CLINT1: variants seen among roughly 807,000 people sequenced by gnomAD.
CLINT1 encodes the protein clathrin interactor 1.
CLINT1 carries 15 observed loss-of-function variants against 70.4 expected under a neutral mutation model. The ratio of observed to expected loss-of-function variants is 0.21; its 90% CI spans 0.14 to 0.33. The LOEUF is 0.33. CLINT1 is among the 10% of genes least tolerant of loss of function. The pLI, the probability that CLINT1 is intolerant of heterozygous loss-of-function variation, is 1.00. For missense variants in CLINT1, 615 were observed against 778.1 expected, an observed-to-expected ratio of 0.79 and a Z score of 2.49; for synonymous variants, 227 against 254.7, an observed-to-expected ratio of 0.89 and a Z score of 1.04.
chr5:157,802,358 C>T (rs865850954), intron 8 of CLINT1, among the ~76,000 whole-genome samples: 39 of 152,128 alleles, frequency 2.6e-4, no homozygotes, highest in African/African-American at 8.7e-4. Context: ...TATTTTGACA[C>T]GTCACACAAT....
Position 157,789,553 on chromosome 5 carries a change from A to C in CLINT1, c.1381-40T>G, listed in dbSNP as rs1446919810. The C allele has an allele frequency of 1.9e-6, 3 of 1,613,770 alleles. No homozygotes were observed. In the South Asian group the frequency reaches 3.3e-5, roughly 18 times the overall value. ...GATTAGGCTTCTGCAGCACTGTGCT[A>C]ACATTTTGCAAAGGCTGGAAAATAG... On this transcript the variant is annotated intron_variant, in intron 10 of 11. Transcript: ENST00000411809.
chr5:157,839,612 A>T (rs1763550833), intron 1 of CLINT1, among the ~76,000 whole-genome samples: 1 of 147,810 alleles, frequency 6.8e-6, no homozygotes, highest in Non-Finnish European at 1.5e-5. Flanking sequence ...AATAAAATAA[A>T]AAAAAAAAAC....
intron 1 of CLINT1, among the ~76,000 whole-genome samples, chr5:157,842,926 TTTAAAG>T (rs1347356061): frequency 3.3e-5 from 5 of 152,212 alleles, no homozygotes; most frequent in Non-Finnish European, 5.9e-5. Context: ...TTATTTGCTC[TTTAAAG>T]TTAATCGATT....
chr5:157,853,213 C>T (rs889097790), intron 1 of CLINT1, among the ~76,000 whole-genome samples: 3 of 151,858 alleles, frequency 2.0e-5, no homozygotes, highest in African/African-American at 7.3e-5. Context: ...GTGGCACATG[C>T]CTGTAATCCC....
At chr5:157,858,131 A>T (rs1753814612) in intron 1 of CLINT1, among the ~76,000 whole-genome samples, 1 of 152,226 alleles carries the variant, frequency 6.6e-6, no homozygotes, top group African/African-American at 2.4e-5. Context: ...TCAACTACGT[A>T]CTGGTCGTTT....
chr5:157,857,389 T>C (rs1037553833), intron 1 of CLINT1, among the ~76,000 whole-genome samples: 1 of 152,144 alleles, frequency 6.6e-6, no homozygotes, highest in African/African-American at 2.4e-5. Flanking sequence ...GCAAAGAATA[T>C]ATAAATAGCT....
At chr5:157,795,156 C>T (rs1315064542) in intron 8 of CLINT1, 184 bp from the exon 9 acceptor site, 2 of 575,604 alleles carry the variant, frequency 3.5e-6, no homozygotes, top group Non-Finnish European at 6.3e-6. Flanking sequence ...CTACCATAGA[C>T]TCTTTTCCCT....
At chr5:157,829,689 A>ATTTTTTTT (rs3075709) in intron 1 of CLINT1, among the ~76,000 whole-genome samples, 48 of 109,138 alleles carry the variant, frequency 4.4e-4, no homozygotes, top group East Asian at 8.0e-4. Flanking sequence ...ACACCCAGCT[A>ATTTTTTTT]TTTTTTTTTT....
chr5:157,801,263 T>C (rs1762209470), intron 8 of CLINT1, among the ~76,000 whole-genome samples: 1 of 152,126 alleles, frequency 6.6e-6, no homozygotes, highest in South Asian at 2.1e-4. Flanking sequence ...TCCCAGCACT[T>C]TGGGAGGCCA....
intron 6 of CLINT1, among the ~76,000 whole-genome samples, chr5:157,808,918 C>T (rs1431934126): frequency 6.6e-6 from 1 of 151,878 alleles, no homozygotes; most frequent in Non-Finnish European, 1.5e-5. Context: ...CATCTAAGGT[C>T]CAAATGCAAA....
chr5:157,840,839 T>C (rs566905125), intron 1 of CLINT1, among the ~76,000 whole-genome samples: 4 of 151,434 alleles, frequency 2.6e-5, no homozygotes, highest in Admixed American at 1.3e-4. Flanking sequence ...GAGTTCGGAG[T>C]TCGAGAACAG....
At chr5:157,805,633 C>T (rs527405338) in intron 7 of CLINT1, among the ~76,000 whole-genome samples, 15 of 152,256 alleles carry the variant, frequency 9.9e-5, no homozygotes, top group South Asian at 2.1e-4. Context: ...CTTCCCCAAA[C>T]AAACCAAAAG....
At chr5:157,853,242 G>C (rs1244838100) in intron 1 of CLINT1, among the ~76,000 whole-genome samples, 1 of 151,434 alleles carries the variant, frequency 6.6e-6, no homozygotes, top group Non-Finnish European at 1.5e-5. Flanking sequence ...GGGTGGCTAA[G>C]GCAGGAGACT....
chr5:157,796,522 T>A (rs550509561), intron 8 of CLINT1, among the ~76,000 whole-genome samples: 1 of 152,354 alleles, frequency 6.6e-6, no homozygotes, highest in African/African-American at 2.4e-5. Flanking sequence ...TTTAGTGTTA[T>A]GTGAACATTA....
At chr5:157,800,517 T>G (rs1581483095) in intron 8 of CLINT1, among the ~76,000 whole-genome samples, 1 of 152,114 alleles carries the variant, frequency 6.6e-6, no homozygotes, top group South Asian at 2.1e-4. Flanking sequence ...AATATTTAAA[T>G]AGAGATTGGG....
intron 8 of CLINT1, chr5:157,796,206 A>T (rs1176325395): frequency 6.6e-6 from 1 of 152,166 alleles, no homozygotes; most frequent in Admixed American, 6.6e-5. Flanking sequence ...TGCTACTTCT[A>T]GATAGGTGTT....
At chr5:157,857,533 A>AT (rs1324459706) in intron 1 of CLINT1, among the ~76,000 whole-genome samples, 1 of 152,230 alleles carries the variant, frequency 6.6e-6, no homozygotes, top group Admixed American at 6.5e-5. Context: ...AATGCAAAAC[A>AT]TTTGCTAGTT....
At position 157,787,992 on chromosome 5, in the gene CLINT1, T is replaced by G. The variant is rs767700453; in HGVS notation, c.1532A>C (p.Asn511Thr). ...CATCACATTCATAGGCTGCTGCATATCTACCAGACGAAAACAGACAGAAGA... is the reference window on the plus strand; with the variant it reads ...CATCACATTCATAGGCTGCTGCATAGCTACCAGACGAAAACAGACAGAAGA... Reference protein sequence around the residue: ...PSLNTMIQQQNMQQPMNVMTQ... With the variant: ...PSLNTMIQQQTMQQPMNVMTQ... The change falls in exon 12 of 12, where the codon AAT becomes ACT. Residue 511 changes from asparagine (N) to threonine (T), a missense_variant and splice_region_variant. By Grantham distance (65) the Asn-to-Thr change is moderately conservative. Around this residue, in one of 2 missense-constraint regions of CLINT1, gnomAD observed 374 missense variants for 409.6 expected, o/e 0.91. Transcript: ENST00000411809. The G allele has an allele frequency of 2.5e-6, 4 of 1,600,720 alleles. No homozygotes were observed. In the Admixed American group the frequency reaches 5.2e-5, roughly 21 times the overall value.
chr5:157,810,616 G>A (rs1411016036), intron 5 of CLINT1, among the ~76,000 whole-genome samples: 2 of 152,122 alleles, frequency 1.3e-5, no homozygotes, highest in Non-Finnish European at 2.9e-5. Flanking sequence ...CTTGCCCCTA[G>A]GGACCCAAAG....
Sources: gnomAD v4.1 joint callset for allele counts (sites outside exome capture counted in the v4.1 genomes callset) on GRCh38, gnomAD v4.1.1 for gene constraint, gnomAD v4.1.1 regional missense constraint, MANE v1.5 for transcripts, NCBI Gene and HGNC (gene_info 2026-07-23, HGNC 2026-07-21) for gene names.